Variants in HHAT observed in about 807,000 individuals in gnomAD.
HHAT encodes protein-cysteine N-palmitoyltransferase HHAT.
A neutral mutation model predicts 70.8 loss-of-function variants in HHAT; 47 were observed. The ratio of observed to expected loss-of-function variants is 0.66; its 90% CI spans 0.53 to 0.85. The LOEUF (loss-of-function observed/expected upper bound fraction) is 0.85, where lower values mean the gene tolerates loss of function less well. Ranked by LOEUF, HHAT falls within the 40% of genes least tolerant of loss-of-function variation. HHAT has a pLI of 0.00. For synonymous variants in HHAT, 228 were observed against 247.6 expected (o/e 0.92, Z 0.74); for missense variants, 609 against 604.8 (o/e 1.01, Z -0.07).
intron 2 of HHAT, among the ~76,000 whole-genome samples, chr1:210,353,597 CA>C (rs1314973261): frequency 6.6e-6 from 1 of 151,926 alleles, no homozygotes; most frequent in African/African-American, 2.4e-5. Flanking sequence ...TGTAGGTTTT[CA>C]GTTTGATTAG....
At chr1:210,674,257 C>G (rs773928720) in intron 11 of HHAT, 31 bp from the exon 12 acceptor site, 3 of 1,569,434 alleles carry the variant, frequency 1.9e-6, no homozygotes, top group Non-Finnish European at 2.6e-6. Flanking sequence ...GCATTTCTAA[C>G]TGCTCTTCCA....
At chr1:210,543,013 G>A (rs1293956375) in intron 9 of HHAT, among the ~76,000 whole-genome samples, 1 of 152,146 alleles carries the variant, frequency 6.6e-6, no homozygotes, top group African/African-American at 2.4e-5. Flanking sequence ...GCATCATGGG[G>A]AGAACTGCAT....
intron 9 of HHAT, among the ~76,000 whole-genome samples, chr1:210,583,682 G>A (rs941742737): frequency 1.3e-5 from 2 of 152,118 alleles, no homozygotes; most frequent in Non-Finnish European, 2.9e-5. Context: ...ACAGCCTCAT[G>A]TCCTTGGAGA....
intron 8 of HHAT, among the ~76,000 whole-genome samples, chr1:210,495,203 A>C (rs2094616594): frequency 6.6e-6 from 1 of 151,518 alleles, no homozygotes; most frequent in South Asian, 2.1e-4. Flanking sequence ...TATAAACTTT[A>C]TATATAGTAT....
chr1:210,516,822 A>T (rs1453670004), intron 9 of HHAT, among the ~76,000 whole-genome samples: 1 of 152,174 alleles, frequency 6.6e-6, no homozygotes, highest in African/African-American at 2.4e-5. Flanking sequence ...CTCTGGAATG[A>T]CGTAAATTTC....
At chr1:210,579,504 GTTC>G (rs923697003) in intron 9 of HHAT, among the ~76,000 whole-genome samples, 1 of 152,000 alleles carries the variant, frequency 6.6e-6, no homozygotes, top group Non-Finnish European at 1.5e-5. Flanking sequence ...TTCATACTGT[GTTC>G]TTGCCATGAT....
chr1:210,343,638 G>A (rs571484656), intron 1 of HHAT, among the ~76,000 whole-genome samples: 1 of 152,226 alleles, frequency 6.6e-6, no homozygotes, highest in African/African-American at 2.4e-5. Flanking sequence ...CAGAGACGTA[G>A]GTGGTGAGGA....
At position 210,585,304 on chromosome 1, in the gene HHAT, T is replaced by C. The variant is rs146272484; in HGVS notation, c.1044-2594T>C. Among the ~76,000 whole-genome samples, 17 of 152,264 alleles carry C rather than the reference T, an allele frequency of 1.1e-4. No homozygotes were observed. In the East Asian group the frequency reaches 2.7e-3, roughly 24 times the overall value. ...ATCTAAACTGGAAACTGGAACACATTTGAGAGTGGAGGATGTTAAAGAAAA... is the reference window on the plus strand; with the variant it reads ...ATCTAAACTGGAAACTGGAACACATCTGAGAGTGGAGGATGTTAAAGAAAA... On this transcript the variant is annotated intron_variant, in intron 9 of 11. Coordinates refer to ENST00000261458, the MANE Select transcript of HHAT (RefSeq NM_018194.6).
intron 8 of HHAT, among the ~76,000 whole-genome samples, chr1:210,494,005 T>C (rs977912722): frequency 7.9e-5 from 12 of 152,220 alleles, no homozygotes; most frequent in Non-Finnish European, 1.6e-4. Context: ...CTCAATTCTT[T>C]TGTTCTTCTA....
At chr1:210,624,560 G>T (rs1669476940) in intron 11 of HHAT, among the ~76,000 whole-genome samples, 1 of 152,160 alleles carries the variant, frequency 6.6e-6, no homozygotes, top group Admixed American at 6.5e-5. Flanking sequence ...GGGTATTTTT[G>T]TGTGAATACT....
At chr1:210,644,690 T>C (rs1222547007) in intron 11 of HHAT, among the ~76,000 whole-genome samples, 1 of 151,954 alleles carries the variant, frequency 6.6e-6, no homozygotes, top group East Asian at 1.9e-4. Flanking sequence ...CAAAATTAGT[T>C]TGGGAACTTT....
intron 1 of HHAT, among the ~76,000 whole-genome samples, chr1:210,330,589 G>A (rs1185444036): frequency 6.6e-6 from 1 of 152,096 alleles, no homozygotes; most frequent in Non-Finnish European, 1.5e-5. Context: ...AGCCGTTTTT[G>A]TGGGTGGCCA....
intron 3 of HHAT, among the ~76,000 whole-genome samples, chr1:210,365,711 G>A (rs2088882457): frequency 6.6e-6 from 1 of 151,606 alleles, no homozygotes; most frequent in Non-Finnish European, 1.5e-5. Flanking sequence ...CATCTCTCAG[G>A]TTCAAACAAT....
chr1:210,364,651 C>CT (rs1182388975), intron 3 of HHAT, among the ~76,000 whole-genome samples: 2 of 152,244 alleles, frequency 1.3e-5, no homozygotes, highest in Non-Finnish European at 2.9e-5. Context: ...TGCGTTGCTA[C>CT]TTCCAGACAA....
intron 9 of HHAT, among the ~76,000 whole-genome samples, chr1:210,543,187 A>G (rs905424068): frequency 4.6e-5 from 7 of 152,218 alleles, no homozygotes; most frequent in Non-Finnish European, 8.8e-5. Context: ...TTAAAAAAAG[A>G]AATTCAGCTA....
Position 210,659,553 on chromosome 1 carries a change from C to A in HHAT, c.1391-14735C>A, listed in dbSNP as rs558441789. ...AATCAATAGAAAAAGAGGGAATCCC[C>A]CCTAACTCATTTTATGAGGCTAGCA... On this transcript the variant is annotated intron_variant, in intron 11 of 11. Transcript: ENST00000261458. 1.2e-4 allele frequency among the ~76,000 whole-genome samples: 18 copies of A among 152,298 alleles called. No individual in the cohort carries two copies. In the South Asian group the frequency reaches 3.5e-3, roughly 30 times the overall value.
At chr1:210,539,422 CT>C (rs1402157842) in intron 9 of HHAT, among the ~76,000 whole-genome samples, 1 of 152,204 alleles carries the variant, frequency 6.6e-6, no homozygotes, top group African/African-American at 2.4e-5. Flanking sequence ...CTGGAAGGAC[CT>C]ATGGAGTAGG....
At chr1:210,529,330 A>T (rs2095288226) in intron 9 of HHAT, among the ~76,000 whole-genome samples, 1 of 152,168 alleles carries the variant, frequency 6.6e-6, no homozygotes, top group African/African-American at 2.4e-5. Flanking sequence ...AAAAAAAAAA[A>T]AAAGAAAACG....
At chr1:210,542,195 T>C (rs558194340) in intron 9 of HHAT, among the ~76,000 whole-genome samples, 56 of 152,260 alleles carry the variant, frequency 3.7e-4, no homozygotes, top group Non-Finnish European at 5.6e-4. Flanking sequence ...CGTATCCTTA[T>C]AGGTCTTGAT....
Sources: gnomAD v4.1 joint callset for allele counts (sites outside exome capture counted in the v4.1 genomes callset) on GRCh38, gnomAD v4.1.1 for gene constraint, MANE v1.5 for transcripts, NCBI Gene and HGNC (gene_info 2026-07-23, HGNC 2026-07-21) for gene names.